Variants in RAB28 observed in about 807,000 individuals in gnomAD.
RAB28 encodes ras-related protein Rab-28.
Under a neutral mutation model 31.7 loss-of-function variants are expected in RAB28, and 24 were observed. The ratio of observed to expected loss-of-function variants is 0.76; its 90% CI spans 0.55 to 1.06. The LOEUF (loss-of-function observed/expected upper bound fraction) is 1.06. Ranked by LOEUF, RAB28 falls within the 50% of genes least tolerant of loss-of-function variation. RAB28 has a pLI of 0.00. For synonymous variants in RAB28, 100 were observed against 90.4 expected (o/e 1.11, Z -0.60); for missense variants, 254 against 258.5 (o/e 0.98, Z 0.12).
At chr4:13,437,468 C>G (rs987957462) in intron 4 of RAB28, among the ~76,000 whole-genome samples, 1 of 151,694 alleles carries the variant, frequency 6.6e-6, no homozygotes, top group African/African-American at 2.4e-5. Context: ...CTATGCATTG[C>G]CAAAGAACTA....
intron 4 of RAB28, among the ~76,000 whole-genome samples, chr4:13,397,631 A>G (rs1577172871): frequency 6.6e-6 from 1 of 152,278 alleles, no homozygotes; most frequent in East Asian, 1.9e-4. Flanking sequence ...TCACTGTTGT[A>G]ATATTTATTC....
intron 4 of RAB28, among the ~76,000 whole-genome samples, chr4:13,414,691 T>C (rs1469321355): frequency 6.6e-6 from 1 of 152,178 alleles, no homozygotes; most frequent in Non-Finnish European, 1.5e-5. Context: ...AGATTGTACA[T>C]AAAACATTAA....
intron 4 of RAB28, among the ~76,000 whole-genome samples, chr4:13,390,278 G>A (rs551412051): frequency 6.6e-6 from 1 of 152,180 alleles, no homozygotes; most frequent in East Asian, 1.9e-4. Context: ...CAAACAGAGA[G>A]CCAAACCATG....
intron 4 of RAB28, among the ~76,000 whole-genome samples, chr4:13,406,774 T>A (rs532618780): frequency 1.2e-4 from 18 of 152,362 alleles, no homozygotes; most frequent in African/African-American, 3.6e-4. Flanking sequence ...TTTTTTCATA[T>A]AACTATTGGC....
chr4:13,467,713 A>G (rs1343659723), intron 3 of RAB28, among the ~76,000 whole-genome samples: 1 of 152,000 alleles, frequency 6.6e-6, no homozygotes, highest in Non-Finnish European at 1.5e-5. Context: ...AAGCAGAAAA[A>G]GAGGGGATAA....
intron 4 of RAB28, among the ~76,000 whole-genome samples, chr4:13,448,280 A>G (rs1302290686): frequency 6.6e-6 from 1 of 152,134 alleles, no homozygotes; most frequent in Non-Finnish European, 1.5e-5. Flanking sequence ...CTAACATTTA[A>G]TAATTTCTTC....
intron 4 of RAB28, among the ~76,000 whole-genome samples, chr4:13,388,484 C>T (rs918700730): frequency 6.6e-6 from 1 of 151,766 alleles, no homozygotes; most frequent in Non-Finnish European, 1.5e-5. Flanking sequence ...GACATGACAC[C>T]GAATGCAGAG....
At chr4:13,370,627 C>T in intron 6 of RAB28, 1 of 984,242 alleles carries the variant, frequency 1.0e-6, no homozygotes, top group South Asian at 4.7e-5. Flanking sequence ...AAGGCATATG[C>T]CATTTACAAT....
At chr4:13,427,396 C>T (rs961713520) in intron 4 of RAB28, among the ~76,000 whole-genome samples, 161 of 152,212 alleles carry the variant, frequency 1.1e-3, no homozygotes, top group African/African-American at 3.7e-3. Flanking sequence ...GCATGTGATC[C>T]CTGAGACAAG....
chr4:13,407,712 G>C (rs1196865681), intron 4 of RAB28, among the ~76,000 whole-genome samples: 1 of 152,116 alleles, frequency 6.6e-6, no homozygotes, highest in African/African-American at 2.4e-5. Context: ...TCCTTGAAGA[G>C]GTCCTTTACA....
chr4:13,472,846 T>TAAATAAATA (rs71281276), intron 3 of RAB28, among the ~76,000 whole-genome samples: 1 of 151,374 alleles, frequency 6.6e-6, no homozygotes, highest in Admixed American at 6.6e-5. Context: ...AATAAATAAA[T>TAAATAAATA]AAAACAAAAA....
chr4:13,450,410 C>T (rs1030418403), intron 4 of RAB28, among the ~76,000 whole-genome samples: 3 of 151,756 alleles, frequency 2.0e-5, no homozygotes, highest in African/African-American at 4.8e-5. Context: ...TTCAATAGGC[C>T]ACTTGGCCCT....
chr4:13,396,470 T>C (rs566671124), intron 4 of RAB28, among the ~76,000 whole-genome samples: 2 of 152,184 alleles, frequency 1.3e-5, no homozygotes, highest in Admixed American at 1.3e-4. Context: ...CTTTCTATGA[T>C]GACATAGTAA....
intron 6 of RAB28, among the ~76,000 whole-genome samples, chr4:13,374,103 A>G (rs1038481181): frequency 6.6e-6 from 1 of 152,158 alleles, no homozygotes; most frequent in Non-Finnish European, 1.5e-5. Flanking sequence ...CAAATTCATC[A>G]GGATCAAGAA....
intron 5 of RAB28, among the ~76,000 whole-genome samples, chr4:13,379,180 C>T (rs1307153416): frequency 4.2e-5 from 6 of 143,698 alleles, no homozygotes; most frequent in East Asian, 2.0e-4. Flanking sequence ...CACTCCAGCC[C>T]GGAGGACACA....
chr4:13,377,281 C>T (rs1237323127), intron 5 of RAB28, among the ~76,000 whole-genome samples: 1 of 152,184 alleles, frequency 6.6e-6, no homozygotes, highest in Non-Finnish European at 1.5e-5. Flanking sequence ...TACTAGAGTT[C>T]CAATCCTGAC....
chr4:13,394,274 G>C (rs138689223), intron 4 of RAB28, among the ~76,000 whole-genome samples: 181 of 152,280 alleles, frequency 1.2e-3, no homozygotes, highest in African/African-American at 4.1e-3. Flanking sequence ...CACAGATGGG[G>C]TAGTAGGGGG....
intron 3 of RAB28, among the ~76,000 whole-genome samples, chr4:13,468,203 A>C (rs571431759): frequency 6.6e-6 from 1 of 152,068 alleles, no homozygotes; most frequent in Admixed American, 6.6e-5. Context: ...GAAAATCAGT[A>C]AGGGTACAGT....
chr4:13,414,151 A>C (rs1560282924), intron 4 of RAB28, among the ~76,000 whole-genome samples: 2 of 152,208 alleles, frequency 1.3e-5, no homozygotes, highest in Non-Finnish European at 2.9e-5. Context: ...GGTTTCTAAC[A>C]GTATTTATAG....
Sources: gnomAD v4.1 joint callset for allele counts (sites outside exome capture counted in the v4.1 genomes callset) on GRCh38, gnomAD v4.1.1 for gene constraint, MANE v1.5 for transcripts, NCBI Gene and HGNC (gene_info 2026-07-23, HGNC 2026-07-21) for gene names.